The following ZNF438 variants were observed in gnomAD, a reference collection of about 807,000 sequenced individuals.
The protein encoded by ZNF438 is zinc finger protein 438.
Under a neutral mutation model 38.0 loss-of-function variants are expected in ZNF438, and 25 were observed. The observed-to-expected ratio is 0.66, with a 90% CI of 0.48 to 0.92. The LOEUF (loss-of-function observed/expected upper bound fraction) is 0.92, where lower values mean the gene tolerates loss of function less well. ZNF438 is among the 40% of genes least tolerant of loss of function. The probability of loss-of-function intolerance (pLI) is 0.00; values close to 1 mark genes in which losing one functional copy is unlikely to be tolerated. For synonymous variants in ZNF438, 372 were observed against 364.1 expected, an observed-to-expected ratio of 1.02 and a Z score of -0.25; for missense variants, 1,007 against 999.6, an observed-to-expected ratio of 1.01 and a Z score of -0.10.
At chr10:31,010,535 A>G (rs2055571265) in intron 1 of ZNF438, among the ~76,000 whole-genome samples, 1 of 152,136 alleles carries the variant, frequency 6.6e-6, no homozygotes, top group African/African-American at 2.4e-5. Context: ...ATTCTAAACT[A>G]TAGTACATCT....
chr10:30,877,123 C>T lies in ZNF438; in HGVS notation c.-31-58G>A, dbSNP rs749648016. ...AAGTAATTGAGAGAGCATGTTAATG[C>T]ATACTAAATATAGAAATTCTAAGCT... On this transcript the variant is annotated intron_variant, in intron 3 of 5. Transcript: ENST00000413025. 6.4e-6 allele frequency: 6 copies of T among 935,286 alleles called. 1 individual carries two copies. In the African/African-American group the frequency reaches 6.8e-5, roughly 11 times the overall value. 57.9% of individuals were successfully genotyped at this position (935,286 alleles called of 1,614,324 possible). A position where few individuals can be genotyped will look rare whatever the true frequency, so the allele number is the denominator to read the frequency against.
rs566552667 is a variant in ZNF438, at chr10:30,996,856, C to T, written c.-192+34977G>A. On this transcript the variant is annotated intron_variant, in intron 1 of 5. Coordinates refer to ENST00000413025, the Ensembl canonical transcript of ZNF438. ...ATCACACAAAGAATGTTCTCTGAAA[C>T]AATGGCATGCAATTAGAATACAAAT... 2.0e-4 allele frequency among the ~76,000 whole-genome samples: 30 copies of T among 152,176 alleles called. No homozygotes were observed. The South Asian group carries it at 6.0e-3, about 31-fold the overall frequency.
intron 4 of ZNF438, among the ~76,000 whole-genome samples, chr10:30,874,666 C>G (rs992586903): frequency 2.0e-5 from 3 of 151,810 alleles, no homozygotes; most frequent in African/African-American, 7.3e-5. Context: ...AATTTCTGCT[C>G]ACTTTGGTTT....
chr10:30,900,390 GC>G (rs1225905630), intron 3 of ZNF438, among the ~76,000 whole-genome samples: 1 of 151,840 alleles, frequency 6.6e-6, no homozygotes, highest in Non-Finnish European at 1.5e-5. Context: ...CACCAAAATA[GC>G]CCAAATAACA....
intron 1 of ZNF438, among the ~76,000 whole-genome samples, chr10:31,002,875 G>A (rs557640124): frequency 6.6e-6 from 1 of 152,166 alleles, no homozygotes; most frequent in African/African-American, 2.4e-5. Context: ...AAACATTTAT[G>A]GGATGTATCA....
chr10:30,901,842 T>C (rs1232008513), intron 3 of ZNF438, among the ~76,000 whole-genome samples: 1 of 152,186 alleles, frequency 6.6e-6, no homozygotes, highest in Non-Finnish European at 1.5e-5. Flanking sequence ...CCTTCTGATG[T>C]TCAGATGTGT....
chr10:31,016,601 C>T (rs2056213173), intron 1 of ZNF438, among the ~76,000 whole-genome samples: 1 of 152,196 alleles, frequency 6.6e-6, no homozygotes, highest in Admixed American at 6.5e-5. Context: ...TCTTACCACT[C>T]CTTGGGGCAC....
At chr10:31,019,722 T>A (rs1351932451) in intron 1 of ZNF438, among the ~76,000 whole-genome samples, 1 of 152,254 alleles carries the variant, frequency 6.6e-6, no homozygotes, top group Non-Finnish European at 1.5e-5. Context: ...TAATTTCAGA[T>A]AAATAATTGT....
chr10:30,949,953 C>G (rs1351944032), intron 1 of ZNF438, among the ~76,000 whole-genome samples: 2 of 152,118 alleles, frequency 1.3e-5, no homozygotes, highest in Non-Finnish European at 2.9e-5. Context: ...CATTTTTTTT[C>G]AGCACCACAC....
At chr10:30,979,335 G>T (rs2051823120) in intron 1 of ZNF438, among the ~76,000 whole-genome samples, 1 of 152,122 alleles carries the variant, frequency 6.6e-6, no homozygotes, top group Non-Finnish European at 1.5e-5. Flanking sequence ...TGGCCATACT[G>T]CCCAAAGTAA....
At chr10:30,922,297 T>G (rs1046350644) in intron 2 of ZNF438, among the ~76,000 whole-genome samples, 1 of 152,188 alleles carries the variant, frequency 6.6e-6, no homozygotes, top group Non-Finnish European at 1.5e-5. Flanking sequence ...ACTTAATCTA[T>G]ATTAGAATTA....
intron 4 of ZNF438, among the ~76,000 whole-genome samples, chr10:30,872,749 CAA>C (rs10633045): frequency 9.0e-5 from 8 of 88,816 alleles, no homozygotes; most frequent in Admixed American, 1.3e-4. Context: ...GACTCTGTCT[CAA>C]AAAAAAAAAA....
At chr10:31,002,357 T>C (rs2054744259) in intron 1 of ZNF438, among the ~76,000 whole-genome samples, 1 of 152,218 alleles carries the variant, frequency 6.6e-6, no homozygotes. Flanking sequence ...TTATAGATAT[T>C]CACCCTTAGT....
intron 1 of ZNF438, among the ~76,000 whole-genome samples, chr10:30,992,269 GA>G (rs2053580192): frequency 6.6e-6 from 1 of 152,324 alleles, no homozygotes; most frequent in East Asian, 1.9e-4. Context: ...ATCTGAAAAT[GA>G]AGAAGTGGCT....
At chr10:30,861,868 T>A (rs1282471998) in intron 4 of ZNF438, among the ~76,000 whole-genome samples, 1 of 152,222 alleles carries the variant, frequency 6.6e-6, no homozygotes, top group African/African-American at 2.4e-5. Context: ...CAAGCCAGTA[T>A]CTTTACTCAA....
chr10:30,894,544 A>T (rs192625871), intron 3 of ZNF438, among the ~76,000 whole-genome samples: 1 of 152,334 alleles, frequency 6.6e-6, no homozygotes, highest in East Asian at 1.9e-4. Flanking sequence ...AGGGCTGAGG[A>T]CAGTGAATAA....
chr10:30,983,118 C>T (rs2052396036), intron 1 of ZNF438, among the ~76,000 whole-genome samples: 1 of 152,106 alleles, frequency 6.6e-6, no homozygotes, highest in Non-Finnish European at 1.5e-5. Context: ...TTTAAAGGGC[C>T]TGCTTGGAAT....
intron 4 of ZNF438, among the ~76,000 whole-genome samples, chr10:30,863,139 C>CT (rs1488571678): frequency 6.6e-6 from 1 of 152,198 alleles, no homozygotes; most frequent in Admixed American, 6.5e-5. Flanking sequence ...AGCCACGGAT[C>CT]TTTAAGAAGT....
chr10:30,867,680 G>A (rs868215993), intron 4 of ZNF438, among the ~76,000 whole-genome samples: 2 of 152,278 alleles, frequency 1.3e-5, no homozygotes, highest in African/African-American at 2.4e-5. Context: ...GCAGGTTTGT[G>A]TGAATGAGAA....
Sources: allele counts gnomAD v4.1 joint callset (sites outside exome capture counted in the v4.1 genomes callset), GRCh38; gene constraint gnomAD v4.1.1; transcripts MANE v1.5; gene names NCBI Gene and HGNC (gene_info 2026-07-23, HGNC 2026-07-21).